The following RAD54B variants were observed in gnomAD, a reference collection of about 807,000 sequenced individuals.
RAD54B encodes DNA repair and recombination protein RAD54B.
RAD54B carries 78 observed loss-of-function variants against 95.8 expected under a neutral mutation model. The observed-to-expected ratio is 0.81, with a 90% CI of 0.68 to 0.98. RAD54B has a LOEUF of 0.98. RAD54B is among the 50% of genes least tolerant of loss of function. The probability of loss-of-function intolerance (pLI) is 0.00; values close to 1 mark genes in which losing one functional copy is unlikely to be tolerated. For synonymous variants in RAD54B, 328 were observed against 354.9 expected (o/e 0.92, Z 0.85); for missense variants, 957 against 1,056.6 (o/e 0.91, Z 1.31).
intron 3 of RAD54B, among the ~76,000 whole-genome samples, chr8:94,453,853 G>A (rs1176430288): frequency 1.3e-5 from 2 of 152,000 alleles, no homozygotes; most frequent in Non-Finnish European, 2.9e-5. Flanking sequence ...GTGCAACGGC[G>A]CAATCTCGGC....
rs1196545716 is a variant in RAD54B, at chr8:94,372,346, G to C, written c.2557C>G (p.Leu853Val). 2.5e-6 allele frequency: 4 copies of C among 1,613,580 alleles called. No individual in the cohort carries two copies. Among genetic ancestry groups the C allele is most frequent in the Admixed American group, 3.3e-5 (2 of 59,932 alleles). ...EKFIVSRDCQ[L>V]GPHHQKSNSL... is the part of the protein sequence containing the mutation. ...TTAGATTTCTGGTGATGTGGACCAA[G>C]CTGACAATCTCTAGAGACAATGAAT... The change falls in exon 15 of 15, where the codon CTT (leucine) becomes GTT (valine). Residue 853 changes from leucine to valine, a missense_variant. Physicochemically the swap from Leu to Val is conservative, Grantham distance 32. Transcript: ENST00000336148.
intron 8 of RAD54B, 23 bp from the exon 9 acceptor site, chr8:94,393,905 A>G: frequency 6.4e-7 from 1 of 1,563,036 alleles, no homozygotes; most frequent in Non-Finnish European, 8.6e-7. Context: ...AAAAATGAGT[A>G]AAAGGTCAAG....
At chr8:94,449,000 C>CTA (rs1812587609) in intron 3 of RAD54B, among the ~76,000 whole-genome samples, 1 of 151,760 alleles carries the variant, frequency 6.6e-6, no homozygotes, top group South Asian at 2.1e-4. Context: ...ATTTTACTGT[C>CTA]TCTATATATG....
At chr8:94,448,364 G>A (rs116243755) in intron 3 of RAD54B, among the ~76,000 whole-genome samples, 1,896 of 152,196 alleles carry the variant, frequency 0.012, 43 homozygotes, top group African/African-American at 0.044. Flanking sequence ...AGGGAACCCT[G>A]TACACTGTTA....
intron 3 of RAD54B, chr8:94,432,554 GTCT>G (rs1016021571): frequency 3.6e-5 from 56 of 1,550,338 alleles, no homozygotes; most frequent in African/African-American, 6.8e-5. Context: ...GTGGTTTAAT[GTCT>G]TCTTCTTGCT....
At chr8:94,376,484 T>C (rs1282859601) in intron 14 of RAD54B, among the ~76,000 whole-genome samples, 1 of 151,340 alleles carries the variant, frequency 6.6e-6, no homozygotes, top group Non-Finnish European at 1.5e-5. Context: ...AAAAGAACAT[T>C]AGAGTAAATA....
intron 11 of RAD54B, among the ~76,000 whole-genome samples, chr8:94,386,128 T>A (rs1013045731): frequency 6.6e-6 from 1 of 152,050 alleles, no homozygotes; most frequent in Non-Finnish European, 1.5e-5. Flanking sequence ...TTATAAGAGA[T>A]CATCATAACC....
rs772511065 is a variant in RAD54B, at chr8:94,400,279, A to AT, written c.1128dup (p.Trp377MetfsTer5). 1 of 1,613,748 alleles carries AT rather than the reference A, an allele frequency of 6.2e-7. No homozygotes were observed. The highest frequency in any genetic ancestry group is 1.1e-5 in the South Asian group (1 of 91,074). On this transcript the variant is annotated frameshift_variant, in exon 7 of 15. Coordinates refer to ENST00000336148, the MANE Select transcript of RAD54B (RefSeq NM_012415.3). LOFTEE classifies it high-confidence loss of function. ...ATCTTGATCCTTTCACTTCCTAGCC[A>AT]TTTTTGAAATTCTTTCTTCCAATTA...
intron 6 of RAD54B, among the ~76,000 whole-genome samples, chr8:94,401,735 G>A (rs889271462): frequency 6.6e-6 from 1 of 151,848 alleles, no homozygotes; most frequent in Non-Finnish European, 1.5e-5. Context: ...CCATTTCAAG[G>A]TATAGAGAAA....
intron 3 of RAD54B, among the ~76,000 whole-genome samples, chr8:94,433,161 C>T (rs1260480979): frequency 6.6e-6 from 1 of 152,100 alleles, no homozygotes; most frequent in East Asian, 1.9e-4. Context: ...CTGATTTCTG[C>T]ATTTGCCCAA....
intron 3 of RAD54B, chr8:94,437,067 A>G: frequency 9.4e-7 from 1 of 1,067,916 alleles, no homozygotes. Context: ...GCCAAGCCTG[A>G]CCTACATAAA....
At chr8:94,441,980 G>A (rs1179189720) in intron 3 of RAD54B, among the ~76,000 whole-genome samples, 1 of 152,066 alleles carries the variant, frequency 6.6e-6, no homozygotes, top group Non-Finnish European at 1.5e-5. Flanking sequence ...ATAAACAAAG[G>A]CAAAAAAATC....
rs752509514 is a variant in RAD54B at position 94,391,904 on chromosome 8, G to A, written c.1519-5C>T. On this transcript the variant is annotated splice_polypyrimidine_tract_variant and splice_region_variant and intron_variant, in intron 9 of 14. Transcript: ENST00000336148. ...TTCTCCTAACTCCTTTTCTTCCTAT[G>A]GAAAAATAGCAGACTTAAATGAAAG... 9.5e-6 allele frequency: 15 copies of A among 1,585,502 alleles called. No individual in the cohort carries two copies. The highest frequency in any genetic ancestry group is 3.7e-5 in the Admixed American group (2 of 54,514).
At chr8:94,405,222 CAAAA>C (rs1811360153) in intron 5 of RAD54B, among the ~76,000 whole-genome samples, 1 of 152,078 alleles carries the variant, frequency 6.6e-6, no homozygotes, top group South Asian at 2.1e-4. Flanking sequence ...CCCAAAAAGG[CAAAA>C]TCAAATATAA....
intron 5 of RAD54B, among the ~76,000 whole-genome samples, chr8:94,404,539 T>C (rs747600423): frequency 2.0e-5 from 3 of 152,216 alleles, no homozygotes; most frequent in African/African-American, 2.4e-5. Context: ...AGCCACAACA[T>C]TGAATAGTTC....
At chr8:94,431,582 G>T in intron 3 of RAD54B, 1 of 920,954 alleles carries the variant, frequency 1.1e-6, no homozygotes, top group Non-Finnish European at 1.3e-6. Flanking sequence ...AAGTCATTGA[G>T]TTCTCCCTGG....
At chr8:94,395,121 T>C (rs1811112367) in intron 8 of RAD54B, among the ~76,000 whole-genome samples, 1 of 152,120 alleles carries the variant, frequency 6.6e-6, no homozygotes, top group South Asian at 2.1e-4. Flanking sequence ...GTGGTTGGCT[T>C]TCAGACATTC....
chr8:94,428,608 T>C (rs1812002608), intron 3 of RAD54B: 1 of 545,328 alleles, frequency 1.8e-6, no homozygotes, highest in Non-Finnish European at 2.3e-6. Flanking sequence ...ACCTCAGTTA[T>C]ACCGTCTTTT....
chr8:94,405,221 G>C (rs1811360095), intron 5 of RAD54B, among the ~76,000 whole-genome samples: 1 of 152,002 alleles, frequency 6.6e-6, no homozygotes, highest in African/African-American at 2.4e-5. Flanking sequence ...ACCCAAAAAG[G>C]CAAAATCAAA....
Sources: allele counts gnomAD v4.1 joint callset (sites outside exome capture counted in the v4.1 genomes callset), GRCh38; gene constraint gnomAD v4.1.1; transcripts MANE v1.5; gene names NCBI Gene and HGNC (gene_info 2026-07-23, HGNC 2026-07-21).